Variants in TFCP2 observed in about 807,000 individuals in gnomAD.
TFCP2 encodes the protein alpha-globin transcription factor CP2.
In TFCP2, 33 loss-of-function variants were observed where a neutral mutation model predicts 73.4. The ratio of observed to expected loss-of-function variants is 0.45; its 90% confidence interval spans 0.34 to 0.60. The LOEUF (loss-of-function observed/expected upper bound fraction) is 0.60. Ranked by LOEUF, TFCP2 falls within the 20% of genes least tolerant of loss-of-function variation. The pLI, the probability that TFCP2 is intolerant of heterozygous loss-of-function variation, is 0.01. For synonymous variants in TFCP2, 193 were observed against 211.6 expected, an observed-to-expected ratio of 0.91 and a Z score of 0.76; for missense variants, 352 against 604.0, an observed-to-expected ratio of 0.58 and a Z score of 4.37.
In TFCP2 at chr12:51,095,986, T is replaced by C; in HGVS notation, c.1471+3A>G. On this transcript the variant is annotated splice_donor_region_variant and intron_variant, in intron 14 of 14. Transcript: ENST00000257915. Reference sequence around the variant, plus strand: ...TAGAGAAAGATGTTTGTCTTACTATTACCTTTCATTGTGTCCAGAATAAAA... The same window carrying C: ...TAGAGAAAGATGTTTGTCTTACTATCACCTTTCATTGTGTCCAGAATAAAA... 1 of 1,612,666 alleles carries C rather than the reference T, an allele frequency of 6.2e-7. No homozygotes were observed. Among genetic ancestry groups the C allele is most frequent in the Non-Finnish European group, 8.5e-7 (1 of 1,179,168 alleles).
At chr12:51,095,519 A>G (rs1939936442) in intron 14 of TFCP2, among the ~76,000 whole-genome samples, 1 of 152,138 alleles carries the variant, frequency 6.6e-6, no homozygotes, top group Non-Finnish European at 1.5e-5. Flanking sequence ...ATGGAAGAGA[A>G]TGGCAAAAAG....
At chr12:51,109,061 A>C in intron 6 of TFCP2, 60 bp downstream of exon 6, 1 of 1,556,298 alleles carries the variant, frequency 6.4e-7, no homozygotes, top group Non-Finnish European at 8.7e-7. Context: ...TTGGTAACTA[A>C]TGTTAAAATA....
chr12:51,160,825 T>C (rs1165383169), intron 1 of TFCP2, among the ~76,000 whole-genome samples: 9 of 152,208 alleles, frequency 5.9e-5, no homozygotes, highest in Non-Finnish European at 1.0e-4. Context: ...CATCTTATCA[T>C]TCTCTAGCTC....
chr12:51,117,676 C>T lies in TFCP2; in HGVS notation c.346G>A (p.Val116Met). ...GAATGATTTATTCGTTTTACCTTCA[C>T]CAATTTGCCATTAATTTCTGGAAGT... is the stretch of plus-strand genomic sequence containing the variant. ...GELPEINGKL[V>M]KSIFRVVFHD... The change falls in exon 3 of 15, where the codon GTG (valine) becomes ATG (methionine). Residue 116 changes from valine (V) to methionine (M), a missense_variant. Around this residue, in one of 6 missense-constraint regions of TFCP2, gnomAD observed 76 missense variants for 163.2 expected, o/e 0.47. Transcript: ENST00000257915. The T allele has an allele frequency of 6.2e-7, 1 of 1,610,734 alleles. No homozygotes were observed. The highest frequency in any genetic ancestry group is 1.1e-5 in the South Asian group (1 of 90,790).
chr12:51,153,701 T>C (rs1175820748), intron 1 of TFCP2, among the ~76,000 whole-genome samples: 2 of 152,218 alleles, frequency 1.3e-5, no homozygotes, highest in East Asian at 1.9e-4. Flanking sequence ...TCCCAAAGTT[T>C]ATCCATATTA....
At chr12:51,099,022 C>T in intron 12 of TFCP2, 104 bp from the exon 13 acceptor site, 1 of 1,265,692 alleles carries the variant, frequency 7.9e-7, no homozygotes, top group Non-Finnish European at 1.1e-6. Context: ...TCAGAAATCA[C>T]ACTGCCTAAG....
intron 1 of TFCP2, chr12:51,125,060 C>A: frequency 1.3e-6 from 1 of 751,866 alleles, no homozygotes. Context: ...TGTACGTCAG[C>A]ACAGGCTCAT....
At chr12:51,097,274 A>AGG (rs1939986968) in intron 13 of TFCP2, among the ~76,000 whole-genome samples, 13 of 147,922 alleles carry the variant, frequency 8.8e-5, no homozygotes, top group Admixed American at 6.7e-4. Context: ...TTTTGGATGA[A>AGG]GTCTCGCTCT....
intron 1 of TFCP2, among the ~76,000 whole-genome samples, chr12:51,119,192 C>A (rs201506469): frequency 1.3e-5 from 2 of 152,240 alleles, no homozygotes; most frequent in East Asian, 3.9e-4. Context: ...TTAGAAGCCA[C>A]GTGAAAAGGA....
At chr12:51,105,482 C>A (rs931636539) in intron 8 of TFCP2, among the ~76,000 whole-genome samples, 9 of 152,090 alleles carry the variant, frequency 5.9e-5, no homozygotes, top group African/African-American at 2.2e-4. Flanking sequence ...GTATGAAGTA[C>A]ACGACAAAGA....
In TFCP2 at chr12:51,145,987, A is replaced by G. The variant is rs528215334; in HGVS notation, c.122+26314T>C. 1.2e-3 allele frequency among the ~76,000 whole-genome samples: 177 copies of G among 152,138 alleles called. 5 individuals carry two copies. Among genetic ancestry groups the G allele is most frequent in the Middle Eastern group, 6.8e-3 (2 of 294 alleles). On this transcript the variant is annotated intron_variant, in intron 1 of 14. Coordinates refer to ENST00000257915, the MANE Select transcript of TFCP2 (RefSeq NM_005653.5). ...ACCAAAAAAAGAACCTTAGAACCAAAGACACATAAAGAGAGGGAAATGACA... is the reference window on the plus strand; with the variant it reads ...ACCAAAAAAAGAACCTTAGAACCAAGGACACATAAAGAGAGGGAAATGACA...
chr12:51,125,863 TA>T (rs1448012401), intron 1 of TFCP2, among the ~76,000 whole-genome samples: 1 of 152,108 alleles, frequency 6.6e-6, no homozygotes, highest in East Asian at 1.9e-4. Flanking sequence ...TTTGGGAGGC[TA>T]AGATGGGCGG....
intron 4 of TFCP2, among the ~76,000 whole-genome samples, chr12:51,115,064 G>GAAAAA (rs71089747): frequency 2.9e-5 from 2 of 68,056 alleles, no homozygotes; most frequent in African/African-American, 5.4e-5. Context: ...TCCATCTCAG[G>GAAAAA]AAAAAAAAAA....
chr12:51,099,878 G>A, intron 11 of TFCP2, 99 bp from the exon 12 acceptor site: 2 of 1,406,372 alleles, frequency 1.4e-6, no homozygotes, highest in Admixed American at 2.3e-5. Context: ...GTATAGAGCA[G>A]ATGAAAATTG....
chr12:51,110,730 C>T, intron 5 of TFCP2, 147 bp downstream of exon 5: 2 of 570,094 alleles, frequency 3.5e-6, no homozygotes, highest in South Asian at 5.4e-5. Context: ...CCTCAATGCT[C>T]TCAGGCACAG....
intron 1 of TFCP2, among the ~76,000 whole-genome samples, chr12:51,133,220 A>G (rs1269469064): frequency 1.3e-5 from 2 of 152,240 alleles, no homozygotes; most frequent in Non-Finnish European, 2.9e-5. Context: ...AGATTACAAT[A>G]TAACTCATCT....
At chr12:51,108,598 A>AC (rs1940316484) in intron 6 of TFCP2, among the ~76,000 whole-genome samples, 1 of 151,874 alleles carries the variant, frequency 6.6e-6, no homozygotes, top group Admixed American at 6.6e-5. Flanking sequence ...ACATGGCAAG[A>AC]CCCCCTCTCT....
chr12:51,133,112 C>T (rs966754617), intron 1 of TFCP2, among the ~76,000 whole-genome samples: 7 of 151,464 alleles, frequency 4.6e-5, no homozygotes, highest in Non-Finnish European at 7.4e-5. Flanking sequence ...AATATTAAGT[C>T]AACCTTAATT....
At position 51,153,664 on chromosome 12, in the gene TFCP2, G is replaced by A. The variant is rs180760723; in HGVS notation, c.122+18637C>T. On this transcript the variant is annotated intron_variant, in intron 1 of 14. Transcript: ENST00000257915. ...AGTGGAATCATATATTTATCATTTCGTGTCTGACATTTCACACACCATAAT... is the reference window on the plus strand; with the variant it reads ...AGTGGAATCATATATTTATCATTTCATGTCTGACATTTCACACACCATAAT... Among the ~76,000 whole-genome samples the A allele has an allele frequency of 2.0e-4, 30 of 152,126 alleles. No homozygotes were observed. The East Asian group carries it at 4.8e-3, about 24-fold the overall frequency.
Sources: gnomAD v4.1 joint callset for allele counts (sites outside exome capture counted in the v4.1 genomes callset) on GRCh38, gnomAD v4.1.1 for gene constraint, gnomAD v4.1.1 regional missense constraint, MANE v1.5 for transcripts, NCBI Gene and HGNC (gene_info 2026-07-23, HGNC 2026-07-21) for gene names.